CCL27: variants seen among roughly 807,000 people sequenced by gnomAD.
The protein encoded by CCL27 is C-C motif chemokine ligand 27, also known as C-C motif chemokine 27.
Under a neutral mutation model 7.7 loss-of-function variants are expected in CCL27, and 8 were observed. The ratio of observed to expected loss-of-function variants is 1.04; its 90% CI spans 0.61 to 1.88. CCL27 has a LOEUF of 1.88. Among genes scored for constraint, CCL27 ranks in the 40% most tolerant of loss-of-function variants. The pLI, the probability that CCL27 is intolerant of heterozygous loss-of-function variation, is 0.00. For synonymous variants in CCL27, 49 were observed against 53.2 expected (o/e 0.92, Z 0.34); for missense variants, 130 against 130.0 (o/e 1.00, Z 0.00).
chr9:34,662,546 A>G lies in CCL27; in HGVS notation c.70+18T>C, dbSNP rs1821478718. ...CATTCACCCAGACCCCCAGCTTTCTATACCCCCAAGTACTCACCTGCTGTA... is the reference window on the plus strand; with the variant it reads ...CATTCACCCAGACCCCCAGCTTTCTGTACCCCCAAGTACTCACCTGCTGTA... On this transcript the variant is annotated intron_variant, in intron 1 of 2. Transcript: ENST00000259631. The G allele has an allele frequency of 1.2e-6, 2 of 1,613,864 alleles. No individual in the cohort carries two copies. Among genetic ancestry groups the G allele is most frequent in the Non-Finnish European group, 8.5e-7 (1 of 1,179,770 alleles).
chr9:34,662,212 G>A (rs1821471073), intron 2 of CCL27, 72 bp downstream of exon 2: 2 of 1,607,660 alleles, frequency 1.2e-6, no homozygotes, highest in Admixed American at 1.7e-5. Context: ...TAGCAGTTAG[G>A]GCTGGGGTTG....
intron 2 of CCL27, 58 bp from the exon 3 acceptor site, chr9:34,662,137 C>T: frequency 6.2e-7 from 1 of 1,601,682 alleles, no homozygotes; most frequent in South Asian, 1.1e-5. Context: ...TTAGGGTCAT[C>T]CCCAATGACC....
chr9:34,662,267 CAG>C lies in CCL27; in HGVS notation c.203+15_203+16del, dbSNP rs772810344. The stretch of plus-strand genomic sequence containing the variant: ...GGACTGAGGTCAGAGTCAGGGGTAT[CAG>C]GGGTGGGAGCTCACACGAAAGCCTG... On this transcript the variant is annotated intron_variant, in intron 2 of 2. Transcript: ENST00000259631. 43 of 1,613,308 alleles carry C rather than the reference CAG, an allele frequency of 2.7e-5. No homozygotes were observed. The highest frequency in any genetic ancestry group is 1.2e-4 in the Admixed American group (7 of 59,974).
chr9:34,662,029 A>C lies in CCL27; in HGVS notation c.254T>G (p.Leu85Arg). Residue 85 changes from leucine to arginine, a missense_variant, in exon 3 of 3, where the codon CTG (leucine) becomes CGG (arginine). Leu to Arg is a moderately radical substitution (Grantham distance 102). Coordinates refer to ENST00000259631, the MANE Select transcript of CCL27 (RefSeq NM_006664.4). Reference sequence around the variant, plus strand: ...CTCTTGGTGCTCAAACCACTGTGACAGGCTGGGGTTCTGGGGGTGGATGCA... The same window carrying C: ...CTCTTGGTGCTCAAACCACTGTGACCGGCTGGGGTTCTGGGGGTGGATGCA... ...SICIHPQNPS[L>R]SQWFEHQERK... 6.2e-7 allele frequency: 1 copy of C among 1,614,196 alleles called. No individual in the cohort carries two copies. The highest frequency in any genetic ancestry group is 1.3e-5 in the African/African-American group (1 of 75,056).
In CCL27 at chr9:34,661,998, CT is replaced by C. The variant is rs1564106578; in HGVS notation, c.284del (p.Lys95SerfsTer9). ...LSQWFEHQER[K>X]LHGTLPKLNF... ...TCAGCTTGGGCAGAGTCCCATGGAGCTTTCTCTCTTGGTGCTCAAACCACTG... is the reference window on the plus strand; with the variant it reads ...TCAGCTTGGGCAGAGTCCCATGGAGCTTCTCTCTTGGTGCTCAAACCACTG... On this transcript the variant is annotated frameshift_variant, in exon 3 of 3. Transcript: ENST00000259631. LOFTEE classifies it low-confidence loss of function (END_TRUNC). The C allele has an allele frequency of 1.2e-6, 2 of 1,614,248 alleles. No homozygotes were observed. The highest frequency in any genetic ancestry group is 3.3e-4 in the Middle Eastern group (2 of 6,062).
At position 34,662,278 on chromosome 9, in the gene CCL27, G is replaced by C; in HGVS notation, c.203+6C>G. ...AGAGTCAGGGGTATCAGGGGTGGGAGCTCACACGAAAGCCTGGAGGTGACA... is the reference window on the plus strand; with the variant it reads ...AGAGTCAGGGGTATCAGGGGTGGGACCTCACACGAAAGCCTGGAGGTGACA... On this transcript the variant is annotated splice_donor_region_variant and intron_variant, in intron 2 of 2. Transcript: ENST00000259631. The C allele has an allele frequency of 6.2e-7, 1 of 1,613,758 alleles. No individual in the cohort carries two copies. The highest frequency in any genetic ancestry group is 8.5e-7 in the Non-Finnish European group (1 of 1,179,970).
In CCL27 at chr9:34,661,956, C is replaced by T. The variant is rs2132362602; in HGVS notation, c.327G>A (p.Arg109=). 6.2e-7 allele frequency: 1 copy of T among 1,614,212 alleles called. No homozygotes were observed. Among genetic ancestry groups the T allele is most frequent in the East Asian group, 2.2e-5 (1 of 44,882 alleles). ...GCTATTGGGGGCTTCAGCCCATTTT[C>T]CTTAGCATCCCAAAATTCAGCTTGG... ...TLPKLNFGML[R]KMG The change falls in exon 3 of 3, where the codon AGG becomes AGA. Residue 109 remains arginine (R), a synonymous_variant. Coordinates refer to ENST00000259631, the MANE Select transcript of CCL27 (RefSeq NM_006664.4).
chr9:34,662,593 G>A lies in CCL27; in HGVS notation c.41C>T (p.Ser14Leu), dbSNP rs1210169151. The A allele has an allele frequency of 1.2e-6, 2 of 1,613,984 alleles. No individual in the cohort carries two copies. The highest frequency in any genetic ancestry group is 2.7e-5 in the African/African-American group (2 of 75,040). The change falls in exon 1 of 3, where the codon TCA becomes TTA. Residue 14 changes from serine (S) to leucine (L), a missense_variant. Transcript: ENST00000259631. The part of the protein sequence containing the change: ...PPTFCSLLLL[S>L]LLLSPDPTAA... Reference sequence around the variant, plus strand: ...TGTAGGGTCTGGGCTCAGGAGCAATGACAGCAGCAGGAGGCTGCAGAAGGT... The same window carrying A: ...TGTAGGGTCTGGGCTCAGGAGCAATAACAGCAGCAGGAGGCTGCAGAAGGT...
In CCL27 at chr9:34,662,267, C is replaced by G; in HGVS notation, c.203+17G>C. ...GGACTGAGGTCAGAGTCAGGGGTATCAGGGGTGGGAGCTCACACGAAAGCC... is the reference window on the plus strand; with the variant it reads ...GGACTGAGGTCAGAGTCAGGGGTATGAGGGGTGGGAGCTCACACGAAAGCC... On this transcript the variant is annotated intron_variant, in intron 2 of 2. Transcript: ENST00000259631. The G allele has an allele frequency of 6.2e-7, 1 of 1,613,428 alleles. No homozygotes were observed. The highest frequency in any genetic ancestry group is 8.5e-7 in the Non-Finnish European group (1 of 1,179,938).
intron 1 of CCL27, 22 bp from the exon 2 acceptor site, chr9:34,662,438 G>A: frequency 6.2e-7 from 1 of 1,614,030 alleles, no homozygotes; most frequent in Non-Finnish European, 8.5e-7. Flanking sequence ...AGGGCCATGT[G>A]TTCAGAGGGA....
chr9:34,662,621 G>C lies in CCL27; in HGVS notation c.13C>G (p.Pro5Ala). ...AGCAGCAGGAGGCTGCAGAAGGTTG[G>C]GGGCCCCTTCATGTTGCTCAGCCTA... The part of the protein sequence containing the change: MKGP[P>A]TFCSLLLLSL... The change falls in exon 1 of 3, where the codon CCA (proline) becomes GCA (alanine). Residue 5 changes from proline (P) to alanine (A), a missense_variant. Transcript: ENST00000259631. The C allele has an allele frequency of 1.2e-6, 2 of 1,612,800 alleles. No homozygotes were observed. The highest frequency in any genetic ancestry group is 8.5e-7 in the Non-Finnish European group (1 of 1,179,544).
intron 1 of CCL27, 53 bp from the exon 2 acceptor site, chr9:34,662,469 G>T (rs1283847657): frequency 1.2e-6 from 2 of 1,613,394 alleles, no homozygotes; most frequent in African/African-American, 1.3e-5. Flanking sequence ...GAACCTCTCT[G>T]CCAGACAGCT....
At chr9:34,662,112 A>G (rs1821469238) in intron 2 of CCL27, 33 bp from the exon 3 acceptor site, 1 of 1,613,726 alleles carries the variant, frequency 6.2e-7, no homozygotes, top group African/African-American at 1.3e-5. Context: ...CTATGACCAT[A>G]GCTTGGGGAT....
chr9:34,661,975 A>G lies in CCL27; in HGVS notation c.308T>C (p.Leu103Pro). 6.2e-7 allele frequency: 1 copy of G among 1,614,250 alleles called. No individual in the cohort carries two copies. Among genetic ancestry groups the G allele is most frequent in the Non-Finnish European group, 8.5e-7 (1 of 1,180,030 alleles). Residue 103 changes from leucine (L) to proline (P), a missense_variant, in exon 3 of 3, where the codon CTG becomes CCG. Transcript: ENST00000259631. ...ERKLHGTLPK[L>P]NFGMLRKMG ...CATTTTCCTTAGCATCCCAAAATTCAGCTTGGGCAGAGTCCCATGGAGCTT... is the reference window on the plus strand; with the variant it reads ...CATTTTCCTTAGCATCCCAAAATTCGGCTTGGGCAGAGTCCCATGGAGCTT...
At position 34,662,612 on chromosome 9, in the gene CCL27, A is replaced by T; in HGVS notation, c.22T>A (p.Cys8Ser). Residue 8 changes from cysteine to serine, a missense_variant, in exon 1 of 3, where the codon TGC becomes AGC. Coordinates refer to ENST00000259631, the MANE Select transcript of CCL27 (RefSeq NM_006664.4). MKGPPTF[C>S]SLLLLSLLLS... is the part of the protein sequence containing the mutation. ...AGCAATGACAGCAGCAGGAGGCTGC[A>T]GAAGGTTGGGGGCCCCTTCATGTTG... The T allele has an allele frequency of 6.2e-7, 1 of 1,613,608 alleles. No homozygotes were observed. Among genetic ancestry groups the T allele is most frequent in the Non-Finnish European group, 8.5e-7 (1 of 1,179,780 alleles).
rs11575596 is a variant in CCL27 at position 34,662,453 on chromosome 9, G to A, written c.71-37C>T. The A allele has an allele frequency of 1.5e-3, 2,470 of 1,613,894 alleles. 39 individuals are homozygous for A. In the African/African-American group the frequency reaches 0.026, roughly 17 times the overall value. On this transcript the variant is annotated intron_variant, in intron 1 of 2. Coordinates refer to ENST00000259631, the MANE Select transcript of CCL27 (RefSeq NM_006664.4). ...AGGGCCATGTGTTCAGAGGGATCCT[G>A]ACCAAGAACCTCTCTGCCAGACAGC... is the stretch of plus-strand genomic sequence containing the variant.
rs369271670 is a variant in CCL27 at position 34,662,333 on chromosome 9, G to T, written c.154C>A (p.Gln52Lys). The T allele has an allele frequency of 2.3e-5, 37 of 1,613,988 alleles. No homozygotes were observed. The highest frequency in any genetic ancestry group is 3.0e-5 in the Non-Finnish European group (35 of 1,180,026). Residue 52 changes from glutamine to lysine, a missense_variant, in exon 2 of 3, where the codon CAG (glutamine) becomes AAG (lysine). Gln to Lys is a moderately conservative substitution (Grantham distance 53). Transcript: ENST00000259631. The stretch of plus-strand genomic sequence containing the variant: ...CCGTCAGCCTCCTGCAGTTCCACCT[G>T]GATGACCTTCCTCAGTAGCTTGTCT... ...LSDKLLRKVIQVELQEADGDC... is the reference protein window; with the variant it reads ...LSDKLLRKVIKVELQEADGDC...
Position 34,662,591 on chromosome 9 carries a change from A to G in CCL27, c.43T>C (p.Leu15=). The G allele has an allele frequency of 6.2e-7, 1 of 1,613,984 alleles. No individual in the cohort carries two copies. Among genetic ancestry groups the G allele is most frequent in the Non-Finnish European group, 8.5e-7 (1 of 1,179,950 alleles). The change falls in exon 1 of 3, where the codon TTG becomes CTG. Residue 15 remains leucine, a synonymous_variant. Transcript: ENST00000259631. ...PTFCSLLLLS[L]LLSPDPTAAF... ...GCTGTAGGGTCTGGGCTCAGGAGCAATGACAGCAGCAGGAGGCTGCAGAAG... is the reference window on the plus strand; with the variant it reads ...GCTGTAGGGTCTGGGCTCAGGAGCAGTGACAGCAGCAGGAGGCTGCAGAAG...
At chr9:34,662,131 G>C in intron 2 of CCL27, 52 bp from the exon 3 acceptor site, 2 of 1,609,440 alleles carry the variant, frequency 1.2e-6, no homozygotes, top group Non-Finnish European at 1.7e-6. Context: ...ATGAGATTAG[G>C]GTCATCCCCA....
Sources: gnomAD v4.1 joint callset for allele counts on GRCh38, gnomAD v4.1.1 for gene constraint, MANE v1.5 for transcripts, NCBI Gene and HGNC (gene_info 2026-07-23, HGNC 2026-07-21) for gene names.